TRDMT1: variants seen among roughly 807,000 people sequenced by gnomAD.
TRDMT1 encodes the protein tRNA (cytosine(38)-C(5))-methyltransferase.
Under a neutral mutation model 51.2 loss-of-function variants are expected in TRDMT1, and 49 were observed. The ratio of observed to expected loss-of-function variants is 0.96; its 90% confidence interval spans 0.76 to 1.21. TRDMT1 has a LOEUF of 1.21. TRDMT1 is among the 50% of genes most tolerant of loss of function. The pLI is 0.00. For missense variants in TRDMT1, 534 were observed against 462.3 expected (o/e 1.16, Z -1.42); for synonymous variants, 187 against 164.6 (o/e 1.14, Z -1.04).
intron 1 of TRDMT1, among the ~76,000 whole-genome samples, chr10:17,182,042 G>C (rs1843345794): frequency 6.6e-6 from 1 of 152,168 alleles, no homozygotes; most frequent in Admixed American, 6.5e-5. Flanking sequence ...TTCAGGATGG[G>C]CATGCAACTC....
chr10:17,169,435 G>C, intron 2 of TRDMT1: 1 of 1,288,748 alleles, frequency 7.8e-7, no homozygotes, highest in South Asian at 1.2e-5. Flanking sequence ...CAATTATTTT[G>C]TTTTGCAGTT....
At chr10:17,179,934 T>A (rs1054617109) in intron 1 of TRDMT1, among the ~76,000 whole-genome samples, 1 of 152,108 alleles carries the variant, frequency 6.6e-6, no homozygotes, top group African/African-American at 2.4e-5. Context: ...CCCAGGATAT[T>A]TATTACTTGT....
At chr10:17,152,322 G>A (rs141962488) in intron 10 of TRDMT1, among the ~76,000 whole-genome samples, 12 of 152,118 alleles carry the variant, frequency 7.9e-5, no homozygotes, top group Admixed American at 2.6e-4. Context: ...AAAACTGGTT[G>A]CTGCGACTAC....
At chr10:17,182,864 C>T (rs533865181) in intron 1 of TRDMT1, among the ~76,000 whole-genome samples, 3 of 152,206 alleles carry the variant, frequency 2.0e-5, no homozygotes, top group South Asian at 2.1e-4. Context: ...TTTAAATGAT[C>T]GATAAACATA....
At chr10:17,162,136 G>T in intron 4 of TRDMT1, 30 bp downstream of exon 4, 3 of 1,570,156 alleles carry the variant, frequency 1.9e-6, no homozygotes, top group South Asian at 1.2e-5. Context: ...CAAATGAAAG[G>T]TAAGCTTGTA....
intron 10 of TRDMT1, among the ~76,000 whole-genome samples, chr10:17,149,624 C>A (rs1838434348): frequency 6.6e-6 from 1 of 152,120 alleles, no homozygotes; most frequent in South Asian, 2.1e-4. Flanking sequence ...AAAAAAATTT[C>A]GTACCTATTA....
chr10:17,170,104 G>A (rs1453207731), intron 2 of TRDMT1, among the ~76,000 whole-genome samples: 1 of 152,080 alleles, frequency 6.6e-6, no homozygotes. Context: ...TTATTCCAGG[G>A]GCATCCTATG....
chr10:17,178,753 C>T (rs763365630), intron 1 of TRDMT1, among the ~76,000 whole-genome samples: 3 of 149,204 alleles, frequency 2.0e-5, no homozygotes, highest in Non-Finnish European at 4.5e-5. Flanking sequence ...ATAAAAAATA[C>T]ATTAAAAATA....
intron 7 of TRDMT1, 89 bp downstream of exon 7, chr10:17,159,057 A>G (rs1839938942): frequency 2.3e-6 from 2 of 864,172 alleles, no homozygotes; most frequent in East Asian, 2.9e-5. Flanking sequence ...ACAGCTACAC[A>G]AAGTAGTTCT....
chr10:17,197,576 T>C (rs1175521752), intron 1 of TRDMT1, among the ~76,000 whole-genome samples: 1 of 152,206 alleles, frequency 6.6e-6, no homozygotes, highest in Admixed American at 6.5e-5. Context: ...AATTCAGTAA[T>C]GTGGGGAAAA....
Position 17,174,575 on chromosome 10 carries a change from T to C in TRDMT1, c.150A>G (p.Thr50=), listed in dbSNP as rs1447209561. ...CTTCAATCGTCTTGGCAAGTAACTG[T>C]GTGTGAGGAAAATTATACTTGTATA... ...NEVYKYNFPH[T]QLLAKTIEGI... The change falls in exon 2 of 11, where the codon ACA becomes ACG. Residue 50 remains threonine (T), a synonymous_variant. Coordinates refer to ENST00000377799, the MANE Select transcript of TRDMT1 (RefSeq NM_004412.7). 7 of 1,613,374 alleles carry C rather than the reference T, an allele frequency of 4.3e-6. No individual in the cohort carries two copies. The East Asian group carries it at 1.1e-4, about 26-fold the overall frequency.
chr10:17,183,680 G>C (rs1843548681), intron 1 of TRDMT1, among the ~76,000 whole-genome samples: 1 of 152,172 alleles, frequency 6.6e-6, no homozygotes, highest in South Asian at 2.1e-4. Context: ...GCCTCCCAAA[G>C]TGCTGGGATT....
chr10:17,159,468 C>G (rs887394758), intron 6 of TRDMT1, among the ~76,000 whole-genome samples: 3 of 152,088 alleles, frequency 2.0e-5, no homozygotes, highest in Admixed American at 2.0e-4. Context: ...AATATATCTA[C>G]AAGTCACTTC....
chr10:17,139,085 C>G lies in TRDMT1; in HGVS notation c.*9955G>C, dbSNP rs12267655. 1,619 of 792,290 alleles carry G rather than the reference C, an allele frequency of 2.0e-3. 27 individuals are homozygous for G. In the African/African-American group the frequency reaches 0.028, roughly 14 times the overall value. The allele number at this position is 792,290 out of a possible 1,614,324, so 49.1% of individuals were successfully genotyped here. On this transcript the variant is annotated 3_prime_UTR_variant, in exon 11 of 11. Coordinates refer to ENST00000377799, the MANE Select transcript of TRDMT1 (RefSeq NM_004412.7). ...AGCTTTCTCTACCTCCAACAGCTCC[C>G]GGAATGGGGACTTCAGCAGCTCCAT...
At chr10:17,156,317 C>G (rs1839497567) in intron 8 of TRDMT1, among the ~76,000 whole-genome samples, 1 of 151,940 alleles carries the variant, frequency 6.6e-6, no homozygotes, top group Non-Finnish European at 1.5e-5. Flanking sequence ...TCACTGCAAC[C>G]TCTGCCCCCC....
chr10:17,201,432 G>T, intron 1 of TRDMT1, 139 bp downstream of exon 1: 1 of 792,790 alleles, frequency 1.3e-6, no homozygotes, highest in Non-Finnish European at 1.9e-6. Context: ...GCTGTTTCCA[G>T]GACAACCGAG....
chr10:17,201,472 T>TCCGCCCCACAGTGA, intron 1 of TRDMT1, 99 bp downstream of exon 1: 3 of 1,313,628 alleles, frequency 2.3e-6, no homozygotes, highest in Non-Finnish European at 3.2e-6. Flanking sequence ...CCCCACAGTG[T>TCCGCCCCACAGTGA]CCGCCCCTTG....
intron 1 of TRDMT1, among the ~76,000 whole-genome samples, chr10:17,177,211 T>TATTTATTTATTTA (rs1554763686): frequency 9.3e-5 from 14 of 150,786 alleles, no homozygotes; most frequent in Non-Finnish European, 8.9e-5. Context: ...TTTATTTATT[T>TATTTATTTATTTA]TTTGAGATAG....
At chr10:17,196,101 A>G (rs527321511) in intron 1 of TRDMT1, among the ~76,000 whole-genome samples, 1 of 152,368 alleles carries the variant, frequency 6.6e-6, no homozygotes, top group Admixed American at 6.5e-5. Context: ...TAGACTCCCA[A>G]GTTGGCATGT....
Sources: gnomAD v4.1 joint callset for allele counts (sites outside exome capture counted in the v4.1 genomes callset) on GRCh38, gnomAD v4.1.1 for gene constraint, MANE v1.5 for transcripts, NCBI Gene and HGNC (gene_info 2026-07-23, HGNC 2026-07-21) for gene names.